PARP4: variants seen among roughly 807,000 people sequenced by gnomAD.
The protein encoded by PARP4 is protein mono-ADP-ribosyltransferase PARP4.
In PARP4, 120 loss-of-function variants were observed where a neutral mutation model predicts 187.7. The ratio of observed to expected loss-of-function variants is 0.64; its 90% CI spans 0.55 to 0.74. The LOEUF is 0.74. Ranked by LOEUF, PARP4 falls within the 30% of genes least tolerant of loss-of-function variation. The pLI is 0.00. For synonymous variants in PARP4, 654 were observed against 740.9 expected, an observed-to-expected ratio of 0.88 and a Z score of 1.90; for missense variants, 1,836 against 2,070.5, an observed-to-expected ratio of 0.89 and a Z score of 2.20.
chr13:24,468,929 T>G, intron 17 of PARP4, 95 bp downstream of exon 17: 1 of 960,262 alleles, frequency 1.0e-6, no homozygotes, highest in Non-Finnish European at 1.7e-6. Flanking sequence ...ACAGTGCAAA[T>G]TATCTTAGCC....
intron 17 of PARP4, among the ~76,000 whole-genome samples, chr13:24,462,531 C>T (rs1416938236): frequency 6.6e-6 from 1 of 152,142 alleles, no homozygotes; most frequent in African/African-American, 2.4e-5. Flanking sequence ...CCAAAATATA[C>T]ACATTTTTAA....
intron 3 of PARP4, among the ~76,000 whole-genome samples, chr13:24,501,190 G>T (rs1023990357): frequency 2.6e-5 from 4 of 152,116 alleles, no homozygotes; most frequent in African/African-American, 9.7e-5. Flanking sequence ...ATGTCCAAAG[G>T]CTTTCTTCTT....
rs1368133144 is a variant in PARP4 at position 24,434,770 on chromosome 13, A to G, written c.4371T>C (p.Ser1457=). The stretch of plus-strand genomic sequence containing the variant: ...GTTGAAAATGAAAAGGAGAGGAAGC[A>G]GAGGGATGATAAGACCCAAAACCTC... ...PIRGFGSYHP[S]ASSPFHFQPS... The change falls in exon 31 of 34, where the codon TCT becomes TCC. Residue 1457 remains serine, a synonymous_variant. Coordinates refer to ENST00000381989, the MANE Select transcript of PARP4 (RefSeq NM_006437.4). 6 of 1,612,680 alleles carry G rather than the reference A, an allele frequency of 3.7e-6. No homozygotes were observed. The highest frequency in any genetic ancestry group is 5.1e-6 in the Non-Finnish European group (6 of 1,179,536).
chr13:24,475,748 A>G, intron 14 of PARP4, 152 bp from the exon 15 acceptor site: 1 of 797,554 alleles, frequency 1.3e-6, no homozygotes, highest in Non-Finnish European at 2.0e-6. Context: ...CAATTCTGAA[A>G]AGCAAGTGAA....
chr13:24,501,807 C>T lies in PARP4; in HGVS notation c.160G>A (p.Asp54Asn), dbSNP rs1869305075. ...QCTHIILDNA[D>N]VLSQYQLNSI... ...TTCAGTTGGTACTGACTCAGAACAT[C>T]AGCATTATCTAAGATTATATGTGTG... The change falls in exon 3 of 34, where the codon GAT becomes AAT. Residue 54 changes from aspartate (D) to asparagine (N), a missense_variant. By Grantham distance (23) the Asp-to-Asn change is conservative. This residue lies in a region of PARP4 where 1,147 missense variants were observed against 1,214.2 expected (regional missense o/e 0.94). Transcript: ENST00000381989. The T allele has an allele frequency of 2.5e-6, 4 of 1,611,554 alleles. No individual in the cohort carries two copies. In the South Asian group the frequency reaches 4.4e-5, roughly 18 times the overall value.
At chr13:24,503,493 T>C in intron 2 of PARP4, 152 bp downstream of exon 2, 1 of 884,284 alleles carries the variant, frequency 1.1e-6, no homozygotes, top group Non-Finnish European at 1.7e-6. Context: ...GAGCCCAGCC[T>C]CCCAATGGGC....
In PARP4 at chr13:24,455,055, C is replaced by T. The variant is rs934763675; in HGVS notation, c.2720G>A (p.Gly907Asp). 11 of 1,610,428 alleles carry T rather than the reference C, an allele frequency of 6.8e-6. No homozygotes were observed. The highest frequency in any genetic ancestry group is 4.0e-5 in the African/African-American group (3 of 74,870). Residue 907 changes from glycine to aspartate, a missense_variant, in exon 22 of 34, where the codon GGT (glycine) becomes GAT (aspartate). Coordinates refer to ENST00000381989, the MANE Select transcript of PARP4 (RefSeq NM_006437.4). The part of the protein sequence containing the change: ...QIALHALSLV[G>D]EKQKVNIIQF... ...GATAATATTTACTTTCTGCTTCTCACCCACCAAGGACAGCGCATGCAAGGC... is the reference window on the plus strand; with the variant it reads ...GATAATATTTACTTTCTGCTTCTCATCCACCAAGGACAGCGCATGCAAGGC...
chr13:24,504,465 C>T (rs956017704), intron 1 of PARP4, among the ~76,000 whole-genome samples: 23 of 151,702 alleles, frequency 1.5e-4, no homozygotes, highest in African/African-American at 5.6e-4. Context: ...ATGCGCGCAC[C>T]ACCACACGTG....
In PARP4 at chr13:24,486,187, T is replaced by A. The variant is rs753432842; in HGVS notation, c.1333A>T (p.Ile445Phe). 6.2e-7 allele frequency: 1 copy of A among 1,611,300 alleles called. No homozygotes were observed. The highest frequency in any genetic ancestry group is 1.1e-5 in the South Asian group (1 of 90,006). The change falls in exon 11 of 34, where the codon ATC (isoleucine) becomes TTC (phenylalanine). Residue 445 changes from isoleucine to phenylalanine, a missense_variant. Physicochemically the swap from Ile to Phe is conservative, Grantham distance 21. Transcript: ENST00000381989. Reference sequence around the variant, plus strand: ...TCTTACCGACACAAGATTCCCACGATGTTTTGTACAGGAGAACCATGCAAC... The same window carrying A: ...TCTTACCGACACAAGATTCCCACGAAGTTTTGTACAGGAGAACCATGCAAC... ...PLLHGSPVQN[I>F]VGILCRGLLL...
intron 10 of PARP4, among the ~76,000 whole-genome samples, chr13:24,490,354 A>C (rs558303215): frequency 6.6e-6 from 1 of 152,190 alleles, no homozygotes; most frequent in Admixed American, 6.5e-5. Flanking sequence ...TGCACATTTA[A>C]ATCAGTTTAA....
intron 17 of PARP4, among the ~76,000 whole-genome samples, chr13:24,466,287 T>A (rs1239916213): frequency 6.6e-6 from 1 of 152,116 alleles, no homozygotes; most frequent in Non-Finnish European, 1.5e-5. Flanking sequence ...GCTCAAGTGA[T>A]CCTCCCAACT....
Position 24,434,792 on chromosome 13 carries a change from C to T in PARP4, c.4349G>A (p.Gly1450Asp), listed in dbSNP as rs147406751. The T allele has an allele frequency of 1.2e-5, 20 of 1,612,470 alleles. No individual in the cohort carries two copies. The African/African-American group carries it at 2.3e-4, about 18-fold the overall frequency. The change falls in exon 31 of 34, where the codon GGT becomes GAT. Residue 1450 changes from glycine to aspartate, a missense_variant. By Grantham distance (94) the Gly-to-Asp change is moderately conservative. Around this residue, in one of 8 missense-constraint regions of PARP4, gnomAD observed 450 missense variants for 439.2 expected, o/e 1.02. Coordinates refer to ENST00000381989, the MANE Select transcript of PARP4 (RefSeq NM_006437.4). ...AGCAGAGGGATGATAAGACCCAAAACCTCTGATGGGATCAGGGTCTGTAGG... is the reference window on the plus strand; with the variant it reads ...AGCAGAGGGATGATAAGACCCAAAATCTCTGATGGGATCAGGGTCTGTAGG... ...SLPTDPDPIRGFGSYHPSASS... is the reference protein window; with the variant it reads ...SLPTDPDPIRDFGSYHPSASS...
chr13:24,468,491 G>A (rs1225935706), intron 17 of PARP4, among the ~76,000 whole-genome samples: 1 of 140,572 alleles, frequency 7.1e-6, no homozygotes, highest in African/African-American at 2.7e-5. Context: ...TGCAACCTCT[G>A]CCCCCCAGGT....
intron 1 of PARP4, among the ~76,000 whole-genome samples, chr13:24,504,915 G>C (rs933353891): frequency 6.6e-6 from 1 of 150,852 alleles, no homozygotes; most frequent in African/African-American, 2.4e-5. Context: ...GGCTGGTCTT[G>C]AACTCCTGAC....
At chr13:24,468,805 AGCTCTTCTT>A (rs1364333354) in intron 17 of PARP4, among the ~76,000 whole-genome samples, 1 of 152,136 alleles carries the variant, frequency 6.6e-6, no homozygotes, top group Non-Finnish European at 1.5e-5. Context: ...TGACAGGCCT[AGCTCTTCTT>A]GTTTGTCTGG....
chr13:24,442,966 G>GGA (rs1250685166), intron 28 of PARP4, among the ~76,000 whole-genome samples: 1 of 151,922 alleles, frequency 6.6e-6, no homozygotes, highest in Non-Finnish European at 1.5e-5. Context: ...GAATTGGAAA[G>GGA]ATGGAATGAC....
intron 12 of PARP4, among the ~76,000 whole-genome samples, chr13:24,479,890 C>T (rs563122091): frequency 2.5e-3 from 375 of 152,308 alleles, no homozygotes; most frequent in African/African-American, 8.3e-3. Context: ...ACACTCACCA[C>T]GAAGGTCTGC....
chr13:24,463,884 A>G lies in PARP4; in HGVS notation c.2134-3748T>C, dbSNP rs150176953. Among the ~76,000 whole-genome samples, 603 of 152,280 alleles carry G rather than the reference A, an allele frequency of 4.0e-3. 2 individuals carry two copies. Among genetic ancestry groups the G allele is most frequent in the African/African-American group, 0.014 (576 of 41,576 alleles). ...CTCTGTTTGCAGATGACAAGATCCT[A>G]TATCTAGAAAACCCCATCATCTCAG... On this transcript the variant is annotated intron_variant, in intron 17 of 33. Coordinates refer to ENST00000381989, the MANE Select transcript of PARP4 (RefSeq NM_006437.4).
chr13:24,426,580 C>A lies in PARP4; in HGVS notation c.4865G>T (p.Cys1622Phe). 1 of 1,612,414 alleles carries A rather than the reference C, an allele frequency of 6.2e-7. No homozygotes were observed. Among genetic ancestry groups the A allele is most frequent in the Non-Finnish European group, 8.5e-7 (1 of 1,179,522 alleles). The change falls in exon 33 of 34, where the codon TGT (cysteine) becomes TTT (phenylalanine). Residue 1622 changes from cysteine to phenylalanine, a missense_variant. This residue lies in a region of PARP4 where 45 missense variants were observed against 53.1 expected (regional missense o/e 0.85). Transcript: ENST00000381989. ...IQSLGVKGRECLLDLIATMLV... is the reference protein window; with the variant it reads ...IQSLGVKGREFLLDLIATMLV... The stretch of plus-strand genomic sequence containing the variant: ...CATTGTGGCAATTAGGTCCAGGAGA[C>A]ATTCTCTTCCTTTTACACCTAAAAG...
Sources: gnomAD v4.1 joint callset for allele counts (sites outside exome capture counted in the v4.1 genomes callset) on GRCh38, gnomAD v4.1.1 for gene constraint, gnomAD v4.1.1 regional missense constraint, MANE v1.5 for transcripts, NCBI Gene and HGNC (gene_info 2026-07-23, HGNC 2026-07-21) for gene names.